The following MANSC4 variants were observed in gnomAD, a reference collection of about 807,000 sequenced individuals.
MANSC4 encodes MANSC domain containing 4, also known as MANSC domain-containing protein 4.
A neutral mutation model predicts 11.4 loss-of-function variants in MANSC4; 11 were observed. The ratio of observed to expected loss-of-function variants is 0.97; its 90% CI spans 0.61 to 1.60. MANSC4 has a LOEUF of 1.60. Ranked by LOEUF, MANSC4 falls within the 40% of genes most tolerant of loss-of-function variation. The pLI, the probability that MANSC4 is intolerant of heterozygous loss-of-function variation, is 0.00. For missense variants in MANSC4, 354 were observed against 404.6 expected (o/e 0.88, Z 1.07); for synonymous variants, 123 against 147.1 (o/e 0.84, Z 1.19).
intron 2 of MANSC4, among the ~76,000 whole-genome samples, chr12:27,767,672 G>T (rs2062079057): frequency 6.6e-6 from 1 of 152,100 alleles, no homozygotes; most frequent in Non-Finnish European, 1.5e-5. Context: ...ACTCCAGACT[G>T]GGCAACAAGA....
At chr12:27,766,867 G>A in intron 2 of MANSC4, 68 bp from the exon 3 acceptor site, 1 of 1,495,768 alleles carries the variant, frequency 6.7e-7, no homozygotes, top group Non-Finnish European at 9.0e-7. Context: ...TGAACTCTGA[G>A]TAACTTAGAT....
chr12:27,763,303 T>C lies in MANSC4; in HGVS notation c.458A>G (p.Lys153Arg), dbSNP rs1372443483. The C allele has an allele frequency of 6.4e-7, 1 of 1,551,624 alleles. No individual in the cohort carries two copies. Among genetic ancestry groups the C allele is most frequent in the Non-Finnish European group, 8.7e-7 (1 of 1,147,014 alleles). Reference protein sequence around the residue: ...SNRWDRLRILKAMNLDKQTTT... With the variant: ...SNRWDRLRILRAMNLDKQTTT... Reference sequence around the variant, plus strand: ...GGTTTGTTTATCTAAATTCATAGCTTTTAGAATCCTTAGTCTGTCCCATCT... The same window carrying C: ...GGTTTGTTTATCTAAATTCATAGCTCTTAGAATCCTTAGTCTGTCCCATCT... Residue 153 changes from lysine (K) to arginine (R), a missense_variant, in exon 4 of 4, where the codon AAA (lysine) becomes AGA (arginine). By Grantham distance (26) the Lys-to-Arg change is conservative (BLOSUM62 2). Coordinates refer to ENST00000381273, the MANE Select transcript of MANSC4 (RefSeq NM_001146221.5).
chr12:27,780,168 AG>A lies in MANSC4; in HGVS notation c.-307+41del. ...CCTCGCGGGAGCGGGCCCCGGGAGG[AG>A]GGGCCGCCGGAGAGGCCGGGCGAGC... On this transcript the variant is annotated intron_variant, in intron 1 of 3. Coordinates refer to ENST00000381273, the MANE Select transcript of MANSC4 (RefSeq NM_001146221.5). This position sits in a 1 kb window ranked among gnomAD's most constrained non-coding sequence, Gnocchi z 8.8. 3.0e-6 allele frequency: 1 copy of A among 330,486 alleles called. No homozygotes were observed. Among genetic ancestry groups the A allele is most frequent in the Non-Finnish European group, 4.9e-6 (1 of 203,480 alleles). 20.5% of individuals were successfully genotyped at this position (330,486 alleles called of 1,614,324 possible).
intron 1 of MANSC4, among the ~76,000 whole-genome samples, chr12:27,775,024 A>AAAATAAAT (rs71039849): frequency 4.1e-3 from 463 of 112,794 alleles, no homozygotes; most frequent in South Asian, 0.017. Flanking sequence ...ATTCCGTCTC[A>AAAATAAAT]AAATAAATAA....
intron 2 of MANSC4, among the ~76,000 whole-genome samples, chr12:27,768,476 G>C (rs1480890260): frequency 1.3e-5 from 2 of 149,606 alleles, no homozygotes; most frequent in Admixed American, 6.6e-5. Context: ...AGGAAGAGAA[G>C]ACTTAAAAAG....
intron 2 of MANSC4, 101 bp from the exon 3 acceptor site, chr12:27,766,900 AC>A (rs2062074779): frequency 7.8e-7 from 1 of 1,288,484 alleles, no homozygotes; most frequent in African/African-American, 1.5e-5. Context: ...TACTGGATTA[AC>A]AGTATTTTTC....
chr12:27,766,922 G>GTCTGCATATTGCC, intron 2 of MANSC4, 123 bp from the exon 3 acceptor site: 2 of 995,254 alleles, frequency 2.0e-6, no homozygotes, highest in South Asian at 1.7e-5. Context: ...AGGGCAATAT[G>GTCTGCATATTGCC]CAGACATTTT....
At chr12:27,764,447 C>A (rs1418162948) in intron 3 of MANSC4, among the ~76,000 whole-genome samples, 5 of 152,130 alleles carry the variant, frequency 3.3e-5, no homozygotes, top group Non-Finnish European at 7.3e-5. Flanking sequence ...CTTCCCGGAC[C>A]CCGGACCCCC....
At chr12:27,770,430 C>G (rs1353916053) in intron 2 of MANSC4, among the ~76,000 whole-genome samples, 1 of 146,472 alleles carries the variant, frequency 6.8e-6, no homozygotes, top group South Asian at 2.2e-4. Context: ...ATCCACCCAC[C>G]TCGGCCTCCC....
At chr12:27,766,356 G>A (rs980165005) in intron 3 of MANSC4, among the ~76,000 whole-genome samples, 39 of 152,238 alleles carry the variant, frequency 2.6e-4, no homozygotes, top group African/African-American at 5.8e-4. Context: ...ATGAGCCACC[G>A]CGCCTGGCCG....
At chr12:27,769,454 A>G (rs2062090439) in intron 2 of MANSC4, among the ~76,000 whole-genome samples, 1 of 152,218 alleles carries the variant, frequency 6.6e-6, no homozygotes, top group Non-Finnish European at 1.5e-5. Context: ...CTTTAAAATC[A>G]TGGGATTGCC....
At position 27,771,373 on chromosome 12, in the gene MANSC4, G is replaced by T; in HGVS notation, c.-97C>A. 9.4e-7 allele frequency: 1 copy of T among 1,066,028 alleles called. No homozygotes were observed. The highest frequency in any genetic ancestry group is 1.3e-6 in the Non-Finnish European group (1 of 747,590). The allele number at this position is 1,066,028 out of a possible 1,614,324, so 66.0% of individuals were successfully genotyped here. On this transcript the variant is annotated 5_prime_UTR_variant, in exon 2 of 4. Coordinates refer to ENST00000381273, the MANE Select transcript of MANSC4 (RefSeq NM_001146221.5). Reference sequence around the variant, plus strand: ...CAGTCTCTGGAACGTCAGAGGTGTTGTTAAGGGAGAGCTTCCTTGCAGCTT... The same window carrying T: ...CAGTCTCTGGAACGTCAGAGGTGTTTTTAAGGGAGAGCTTCCTTGCAGCTT...
Position 27,771,073 on chromosome 12 carries a change from A to G in MANSC4, c.204T>C (p.Ser68=). Residue 68 remains serine (S), a synonymous_variant, in exon 2 of 4, where the codon AGT becomes AGC. Transcript: ENST00000381273. The part of the protein sequence containing the change: ...YYSESTGQKC[S]RSCCLRKDVS... ...CATCCTTCCGAAGACAGCAGCTCCT[A>G]CTGCACTTCTGGCCAGTGCTTTCAG... 2.6e-6 allele frequency: 4 copies of G among 1,551,622 alleles called. No individual in the cohort carries two copies. The highest frequency in any genetic ancestry group is 3.5e-6 in the Non-Finnish European group (4 of 1,146,938).
intron 1 of MANSC4, among the ~76,000 whole-genome samples, chr12:27,779,025 C>A (rs1345328112): frequency 4.6e-5 from 7 of 152,194 alleles, no homozygotes; most frequent in African/African-American, 1.7e-4. Context: ...CGTGCCACCA[C>A]GCCCGGCTAA....
At position 27,762,756 on chromosome 12, in the gene MANSC4, CAT is replaced by C. The variant is rs2062052604; in HGVS notation, c.1003_1004del (p.Met335GlufsTer25). 6.5e-7 allele frequency: 1 copy of C among 1,539,152 alleles called. No homozygotes were observed. The highest frequency in any genetic ancestry group is 1.4e-5 in the African/African-American group (1 of 72,336). On this transcript the variant is annotated frameshift_variant, in exon 4 of 4. Coordinates refer to ENST00000381273, the MANE Select transcript of MANSC4 (RefSeq NM_001146221.5). LOFTEE classifies it high-confidence loss of function. ...GSLQIKNRNH[M>X]KENSS ...GTTTTTACTATGAAGAGTTCTCCTT[CAT>C]ATGGTTACGGTTTTTAATTTGCAAG...
chr12:27,779,807 G>A (rs1459032359), intron 1 of MANSC4: 1 of 152,010 alleles, frequency 6.6e-6, no homozygotes, highest in Non-Finnish European at 1.5e-5. Flanking sequence ...CATCACTGCA[G>A]CCCCCAACAA....
chr12:27,772,847 C>G (rs1049447789), intron 1 of MANSC4, among the ~76,000 whole-genome samples: 2 of 152,056 alleles, frequency 1.3e-5, no homozygotes, highest in Admixed American at 6.5e-5. Context: ...AAAATGCCCT[C>G]GAGACATAAA....
In MANSC4 at chr12:27,763,158, T is replaced by G; in HGVS notation, c.603A>C (p.Ala201=). 1 of 1,551,740 alleles carries G rather than the reference T, an allele frequency of 6.4e-7. No homozygotes were observed. The highest frequency in any genetic ancestry group is 8.7e-7 in the Non-Finnish European group (1 of 1,147,004). The change falls in exon 4 of 4, where the codon GCA becomes GCC. Residue 201 remains alanine, a synonymous_variant. Coordinates refer to ENST00000381273, the MANE Select transcript of MANSC4 (RefSeq NM_001146221.5). ...YSKELTTDFW[A]RFTSLNESIT... ...TGGACTCATTCAGGGAAGTAAATCTTGCCCAAAAATCTGTGGTTAATTCCT... is the reference window on the plus strand; with the variant it reads ...TGGACTCATTCAGGGAAGTAAATCTGGCCCAAAAATCTGTGGTTAATTCCT...
chr12:27,773,207 G>A (rs948599875), intron 1 of MANSC4, among the ~76,000 whole-genome samples: 2 of 152,176 alleles, frequency 1.3e-5, no homozygotes, highest in African/African-American at 4.8e-5. Context: ...CCCTGCAGGG[G>A]CTGGTGCTAT....
Sources: allele counts gnomAD v4.1 joint callset (sites outside exome capture counted in the v4.1 genomes callset), GRCh38; gene constraint gnomAD v4.1.1; non-coding constraint Gnocchi (gnomAD v3.1); transcripts MANE v1.5; gene names NCBI Gene and HGNC (gene_info 2026-07-23, HGNC 2026-07-21).